The following PHLDB3 variants were observed in gnomAD, a reference collection of about 807,000 sequenced individuals.
The protein encoded by PHLDB3 is pleckstrin homology like domain family B member 3, also known as pleckstrin homology-like domain family B member 3.
Under a neutral mutation model 85.7 loss-of-function variants are expected in PHLDB3, and 86 were observed. The observed-to-expected ratio is 1.00, with a 90% CI of 0.84 to 1.20. The LOEUF (loss-of-function observed/expected upper bound fraction) is 1.20, where lower values mean the gene tolerates loss of function less well. Ranked by LOEUF, PHLDB3 falls within the 50% of genes most tolerant of loss-of-function variation. The pLI is 0.00. For synonymous variants in PHLDB3, 376 were observed against 349.8 expected (o/e 1.07, Z -0.83); for missense variants, 995 against 873.0 (o/e 1.14, Z -1.76).
rs574133254 is a variant in PHLDB3, at chr19:43,476,660, AAAAG to A, written c.1789-1120_1789-1117del. ...CCTGGTCTATGGAGCAAGAAAAAAA[AAAAG>A]AAAAAGAAACAAAGAAAACTAAGGC... On this transcript the variant is annotated intron_variant, in intron 15 of 15. Transcript: ENST00000292140. Among the ~76,000 whole-genome samples, 145 of 152,180 alleles carry A rather than the reference AAAAG, an allele frequency of 9.5e-4. 1 individual carries two copies. In the South Asian group the frequency reaches 0.012, roughly 12 times the overall value.
At chr19:43,501,982 G>T in intron 3 of PHLDB3, 111 bp from the exon 4 acceptor site, 1 of 1,483,182 alleles carries the variant, frequency 6.7e-7, no homozygotes, top group South Asian at 1.4e-5. Flanking sequence ...ACCTGAATTT[G>T]GAGGGAGGAA....
In PHLDB3 at chr19:43,486,675, G is replaced by T. The variant is rs371123943; in HGVS notation, c.1362C>A (p.Asp454Glu). The stretch of plus-strand genomic sequence containing the variant: ...GCAGGAGCCGCTCCATGTGGGCAAT[G>T]TCTGGATGGATGGCCCCACAGCTAG... Reference protein sequence around the residue: ...RGNSCGAIHPDIAHMERLLQQ... With the variant: ...RGNSCGAIHPEIAHMERLLQQ... Residue 454 changes from aspartate to glutamate, a missense_variant, in exon 12 of 16, where the codon GAC becomes GAA. Asp to Glu is a conservative substitution (Grantham distance 45). Transcript: ENST00000292140. The T allele has an allele frequency of 1.9e-6, 3 of 1,613,984 alleles. No individual in the cohort carries two copies. In the East Asian group the frequency reaches 6.7e-5, roughly 36 times the overall value.
At chr19:43,493,925 T>A (rs1383350885) in intron 9 of PHLDB3, among the ~76,000 whole-genome samples, 1 of 152,162 alleles carries the variant, frequency 6.6e-6, no homozygotes, top group African/African-American at 2.4e-5. Flanking sequence ...GGGTTGAGCA[T>A]CCCTAACCTA....
intron 13 of PHLDB3, among the ~76,000 whole-genome samples, chr19:43,485,108 A>T (rs978452146): frequency 1.3e-5 from 2 of 152,122 alleles, no homozygotes; most frequent in Non-Finnish European, 2.9e-5. Context: ...GGCAAGTACA[A>T]GATTCAATAT....
intron 1 of PHLDB3, 182 bp from the exon 2 acceptor site, chr19:43,504,314 C>G (rs1971701356): frequency 3.2e-6 from 2 of 622,216 alleles, no homozygotes; most frequent in African/African-American, 1.9e-5. Context: ...TTGATGGCTC[C>G]AAGGCGACAC....
intron 13 of PHLDB3, among the ~76,000 whole-genome samples, chr19:43,483,187 G>A (rs2080879632): frequency 6.6e-6 from 1 of 152,130 alleles, no homozygotes; most frequent in Non-Finnish European, 1.5e-5. Context: ...ACTGGTGCAT[G>A]TGGAAAAGTA....
At chr19:43,499,627 G>A (rs1467395200) in intron 4 of PHLDB3, among the ~76,000 whole-genome samples, 3 of 152,032 alleles carry the variant, frequency 2.0e-5, no homozygotes, top group East Asian at 1.9e-4. Context: ...CAACATACAC[G>A]ACACTTGCAA....
intron 9 of PHLDB3, among the ~76,000 whole-genome samples, chr19:43,487,554 G>A (rs866584574): frequency 9.6e-5 from 8 of 83,362 alleles, no homozygotes; most frequent in Non-Finnish European, 1.7e-4. Flanking sequence ...CAGCCTGGGC[G>A]ACAGAGCAAG....
chr19:43,476,743 A>G (rs1970936203), intron 15 of PHLDB3, among the ~76,000 whole-genome samples: 1 of 152,158 alleles, frequency 6.6e-6, no homozygotes, highest in African/African-American at 2.4e-5. Context: ...TGAGATTCCA[A>G]CCTAATTGCT....
chr19:43,502,175 C>T lies in PHLDB3; in HGVS notation c.322G>A (p.Ala108Thr). The T allele has an allele frequency of 6.3e-7, 1 of 1,579,334 alleles. No individual in the cohort carries two copies. Among genetic ancestry groups the T allele is most frequent in the Non-Finnish European group, 8.6e-7 (1 of 1,163,146 alleles). The change falls in exon 3 of 16, where the codon GCA becomes ACA. Residue 108 changes from alanine to threonine, a missense_variant. By Grantham distance (58) the Ala-to-Thr change is moderately conservative. Transcript: ENST00000292140. The part of the protein sequence containing the change: ...ARRLQGQQLE[A>T]LTRVALMEQR... ...TCCATCAGGGCCACACGAGTCAATG[C>T]CTCCAGCTGCTGTCCTTGCAGGCGC...
At chr19:43,488,276 T>C (rs1971231440) in intron 9 of PHLDB3, among the ~76,000 whole-genome samples, 1 of 151,804 alleles carries the variant, frequency 6.6e-6, no homozygotes, top group Admixed American at 6.6e-5. Flanking sequence ...GGCAACATGG[T>C]GAAACTCTGT....
chr19:43,486,381 C>A, intron 12 of PHLDB3, 59 bp from the exon 13 acceptor site: 3 of 1,504,638 alleles, frequency 2.0e-6, no homozygotes, highest in Non-Finnish European at 2.7e-6. Context: ...GGTAGGGTGG[C>A]TGGAGAATGT....
intron 2 of PHLDB3, among the ~76,000 whole-genome samples, chr19:43,502,555 T>C (rs971968924): frequency 1.3e-5 from 2 of 150,316 alleles, no homozygotes; most frequent in Non-Finnish European, 1.5e-5. Flanking sequence ...CTCAAGCGAT[T>C]CTTCTGCCTC....
At position 43,497,229 on chromosome 19, in the gene PHLDB3, GA is replaced by G; in HGVS notation, c.713del (p.Phe238SerfsTer67). On this transcript the variant is annotated frameshift_variant, in exon 6 of 16. Coordinates refer to ENST00000292140, the MANE Select transcript of PHLDB3 (RefSeq NM_198850.4). LOFTEE classifies it high-confidence loss of function. The part of the protein sequence containing the change: ...VAQRAYEDLE[F>X]QQLERESRQE... ...GCCGGCTCTCCCGCTCCAGTTGCTG[GA>G]ACTCCAGGTCCTCATAGGCACGTTG... is the stretch of plus-strand genomic sequence containing the variant. The G allele has an allele frequency of 6.5e-7, 1 of 1,534,270 alleles. No homozygotes were observed. Among genetic ancestry groups the G allele is most frequent in the Non-Finnish European group, 8.7e-7 (1 of 1,142,864 alleles).
At chr19:43,479,664 G>A (rs1971003206) in intron 13 of PHLDB3, 71 bp from the exon 14 acceptor site, 4 of 1,117,088 alleles carry the variant, frequency 3.6e-6, no homozygotes, top group Non-Finnish European at 5.2e-6. Flanking sequence ...CCCTCGAGGG[G>A]AGCAAGTCAT....
chr19:43,502,545 C>T (rs558881322), intron 2 of PHLDB3, among the ~76,000 whole-genome samples: 1 of 150,956 alleles, frequency 6.6e-6, no homozygotes, highest in African/African-American at 2.4e-5. Context: ...ACCTCCCTCG[C>T]TCAAGCGATT....
intron 1 of PHLDB3, 104 bp downstream of exon 1, chr19:43,504,485 C>T (rs1971706735): frequency 1.7e-5 from 5 of 296,044 alleles, no homozygotes; most frequent in South Asian, 1.7e-4. Flanking sequence ...CCCATCTTCT[C>T]CCTCCGAGAC....
Position 43,501,775 on chromosome 19 carries a change from G to A in PHLDB3, c.493C>T (p.Gln165Ter). ...EEQLRELLEQQAASEQRGRQQ... is the reference protein window; with the variant it reads ...EEQLRELLEQ ...CGGCCGCGCTGCTCCGAGGCCGCCT[G>A]CTGCTCCAGCAGCTCCCGCAGCTGC... is the stretch of plus-strand genomic sequence containing the variant. The change falls in exon 4 of 16, where the codon CAG (glutamine) becomes TAG (stop). Residue 165 changes from glutamine to a stop codon, truncating the protein, a stop_gained. Transcript: ENST00000292140. LOFTEE classifies it high-confidence loss of function. 1 of 1,585,910 alleles carries A rather than the reference G, an allele frequency of 6.3e-7. No homozygotes were observed. The highest frequency in any genetic ancestry group is 1.8e-5 in the Admixed American group (1 of 56,556).
intron 15 of PHLDB3, among the ~76,000 whole-genome samples, chr19:43,475,884 C>T (rs1970917885): frequency 6.6e-6 from 1 of 152,144 alleles, no homozygotes; most frequent in African/African-American, 2.4e-5. Flanking sequence ...CAACCTCCAC[C>T]TCTCGAGTTC....
Sources: allele counts gnomAD v4.1 joint callset (sites outside exome capture counted in the v4.1 genomes callset), GRCh38; gene constraint gnomAD v4.1.1; transcripts MANE v1.5; gene names NCBI Gene and HGNC (gene_info 2026-07-23, HGNC 2026-07-21).